Variants in RANBP2 observed in about 807,000 individuals in gnomAD.
The protein encoded by RANBP2 is E3 SUMO-protein ligase RanBP2.
In RANBP2, 57 loss-of-function variants were observed where a neutral mutation model predicts 303.6. The ratio of observed to expected loss-of-function variants is 0.19; its 90% CI spans 0.15 to 0.23. RANBP2 has a LOEUF of 0.23. Among genes scored for constraint, RANBP2 ranks in the 10% least tolerant of loss-of-function variants. The pLI, the probability that RANBP2 is intolerant of heterozygous loss-of-function variation, is 1.00. For synonymous variants in RANBP2, 1,167 were observed against 1,301.5 expected (o/e 0.90, Z 2.23); for missense variants, 3,138 against 3,780.8 (o/e 0.83, Z 4.46).
the RANBP2 span, among the ~76,000 whole-genome samples, chr2:109,592,408 TA>T: frequency 2.1e-3 from 325 of 151,926 alleles, 2 homozygotes; most frequent in Non-Finnish European, 3.0e-3. Flanking sequence ...GAGGTTGCAG[TA>T]AGCTGAGATT....
At chr2:108,956,804 T>TTTTGG in the RANBP2 span, among the ~76,000 whole-genome samples, 1 of 152,122 alleles carries the variant, frequency 6.6e-6, no homozygotes, top group African/African-American at 2.4e-5. Flanking sequence ...TTGTTTTTTT[T>TTTTGG]GAGACAGAGT....
At chr2:109,039,640 T>C in the RANBP2 span, among the ~76,000 whole-genome samples, 1,037 of 152,334 alleles carry the variant, frequency 6.8e-3, 6 homozygotes, top group East Asian at 0.035. Flanking sequence ...TGAGCCACTG[T>C]GCCCGGCCTT....
the RANBP2 span, among the ~76,000 whole-genome samples, chr2:109,799,229 C>T: frequency 9.3e-5 from 12 of 129,406 alleles, no homozygotes; most frequent in Non-Finnish European, 1.4e-4. Context: ...CAGAGCAAGA[C>T]TCCATCTCAA....
chr2:108,954,066 T>A, the RANBP2 span, among the ~76,000 whole-genome samples: 1 of 152,216 alleles, frequency 6.6e-6, no homozygotes, highest in South Asian at 2.1e-4. Context: ...ATCCCCTCTA[T>A]GATTTCTTGC....
At chr2:108,972,586 T>C in the RANBP2 span, among the ~76,000 whole-genome samples, 2 of 152,254 alleles carry the variant, frequency 1.3e-5, no homozygotes, top group Non-Finnish European at 2.9e-5. Flanking sequence ...TGCCTTGCCC[T>C]GCACGCCAAG....
chr2:108,794,618 C>A, the RANBP2 span: 2 of 1,614,078 alleles, frequency 1.2e-6, no homozygotes, highest in Admixed American at 3.3e-5. Flanking sequence ...CCTTTGAAAC[C>A]TGTCAGCTGT....
the RANBP2 span, among the ~76,000 whole-genome samples, chr2:109,113,544 T>C: frequency 6.6e-6 from 1 of 152,178 alleles, no homozygotes; most frequent in South Asian, 2.1e-4. Flanking sequence ...GCTGAGACAA[T>C]GGGGTTTTCT....
chr2:109,207,831 T>A, the RANBP2 span, among the ~76,000 whole-genome samples: 2 of 152,210 alleles, frequency 1.3e-5, no homozygotes, highest in Non-Finnish European at 2.9e-5. Context: ...TTAAAAAAAA[T>A]TAAACTATAC....
the RANBP2 span, among the ~76,000 whole-genome samples, chr2:109,302,787 G>A: frequency 6.6e-6 from 1 of 152,302 alleles, no homozygotes; most frequent in Middle Eastern, 3.4e-3. Flanking sequence ...GCTGAAATAA[G>A]TTAAATAAGG....
the RANBP2 span, among the ~76,000 whole-genome samples, chr2:109,016,297 C>G: frequency 1.3e-5 from 2 of 152,040 alleles, no homozygotes; most frequent in Admixed American, 1.3e-4. Context: ...ACCGTGTTCA[C>G]CAGGATGGCC....
At chr2:109,510,768 C>T in the RANBP2 span, among the ~76,000 whole-genome samples, 1 of 152,190 alleles carries the variant, frequency 6.6e-6, no homozygotes, top group African/African-American at 2.4e-5. Flanking sequence ...CAGCTAAAGC[C>T]AGGGTGAGCA....
chr2:109,223,955 T>C, the RANBP2 span, among the ~76,000 whole-genome samples: 1 of 152,180 alleles, frequency 6.6e-6, no homozygotes, highest in Admixed American at 6.5e-5. Flanking sequence ...TGAGCCATGA[T>C]TGTGCCACTG....
the RANBP2 span, among the ~76,000 whole-genome samples, chr2:109,603,243 A>AT: frequency 1.2e-3 from 176 of 148,348 alleles, no homozygotes; most frequent in Non-Finnish European, 1.7e-3. Flanking sequence ...TAATATTATT[A>AT]TTTTTTTTTT....
the RANBP2 span, among the ~76,000 whole-genome samples, chr2:109,431,571 G>C: frequency 2.0e-5 from 3 of 152,184 alleles, no homozygotes. Flanking sequence ...CACTAAATTT[G>C]CTCTTTCCTT....
chr2:108,793,112 C>CT, the RANBP2 span, among the ~76,000 whole-genome samples: 1 of 148,630 alleles, frequency 6.7e-6, no homozygotes, highest in Admixed American at 6.7e-5. Flanking sequence ...AATCCCAGCA[C>CT]TTTGGGAGGC....
At chr2:108,829,727 C>T in the RANBP2 span, among the ~76,000 whole-genome samples, 5 of 152,128 alleles carry the variant, frequency 3.3e-5, no homozygotes, top group Admixed American at 1.3e-4. Flanking sequence ...GCCTGGGAGA[C>T]AAATTGAGAC....
chr2:109,615,887 A>G, the RANBP2 span: 2 of 1,613,088 alleles, frequency 1.2e-6, no homozygotes, highest in East Asian at 2.2e-5. Flanking sequence ...GCTCTAGTGG[A>G]CGTATAAAAC....
the RANBP2 span, among the ~76,000 whole-genome samples, chr2:109,392,439 A>G: frequency 6.6e-6 from 1 of 152,074 alleles, no homozygotes; most frequent in Non-Finnish European, 1.5e-5. Context: ...GGTGGATATA[A>G]GGGTCTGATG....
chr2:108,993,839 A>G, the RANBP2 span, among the ~76,000 whole-genome samples: 1 of 152,200 alleles, frequency 6.6e-6, no homozygotes, highest in Non-Finnish European at 1.5e-5. Flanking sequence ...GTAGGCTGGG[A>G]GGCCTCAACA....
Sources: gnomAD v4.1 joint callset for allele counts (sites outside exome capture counted in the v4.1 genomes callset) on GRCh38, gnomAD v4.1.1 for gene constraint, MANE v1.5 for transcripts, NCBI Gene and HGNC (gene_info 2026-07-23, HGNC 2026-07-21) for gene names.